PHACTR3: variants seen among roughly 807,000 people sequenced by gnomAD.
PHACTR3 encodes protein phosphatase 1, regulatory subunit 123.
PHACTR3 carries 16 observed loss-of-function variants against 66.8 expected under a neutral mutation model. That is an observed-to-expected ratio of 0.24 (90% CI 0.16 to 0.36). PHACTR3 has a LOEUF of 0.36. Among genes scored for constraint, PHACTR3 ranks in the 10% least tolerant of loss-of-function variants. The probability of loss-of-function intolerance (pLI) is 1.00; values close to 1 mark genes in which losing one functional copy is unlikely to be tolerated. For missense variants in PHACTR3, 647 were observed against 719.9 expected, an observed-to-expected ratio of 0.90 and a Z score of 1.16; for synonymous variants, 323 against 292.1, an observed-to-expected ratio of 1.11 and a Z score of -1.08.
intron 8 of PHACTR3, among the ~76,000 whole-genome samples, chr20:59,832,723 C>T (rs2042419626): frequency 6.6e-6 from 1 of 152,210 alleles, no homozygotes; most frequent in African/African-American, 2.4e-5. Context: ...GGTCCTGCCC[C>T]TGCTCAGCCT....
upstream of PHACTR3, among the ~76,000 whole-genome samples, chr20:59,604,296 G>C (rs917200567): frequency 1.3e-5 from 2 of 152,098 alleles, no homozygotes. Context: ...CCTTTCCTCC[G>C]GGAGGGGAGG....
intron 1 of PHACTR3, among the ~76,000 whole-genome samples, chr20:59,718,698 G>A (rs2038184081): frequency 6.6e-6 from 1 of 152,228 alleles, no homozygotes; most frequent in South Asian, 2.1e-4. Flanking sequence ...GTCGATGACA[G>A]CTGAATATTG....
chr20:59,746,652 C>T (rs4810186), intron 2 of PHACTR3, among the ~76,000 whole-genome samples: 13,521 of 152,254 alleles, frequency 0.089, 1,165 homozygotes, highest in East Asian at 0.34. Context: ...TTGTCATCTG[C>T]CTCCCCAACT....
chr20:59,827,187 A>G (rs1162887329), intron 8 of PHACTR3, among the ~76,000 whole-genome samples: 3 of 151,862 alleles, frequency 2.0e-5, no homozygotes, highest in Non-Finnish European at 4.4e-5. Flanking sequence ...CAGCCCGGGA[A>G]CCATCCGGAG....
intron 1 of PHACTR3, among the ~76,000 whole-genome samples, chr20:59,740,916 G>A (rs529212846): frequency 8.5e-5 from 13 of 152,358 alleles, no homozygotes; most frequent in Admixed American, 3.3e-4. Flanking sequence ...AGAGCAGGCC[G>A]TCCTGGGCCT....
chr20:59,823,348 G>C (rs73917307), intron 8 of PHACTR3, among the ~76,000 whole-genome samples: 3 of 152,114 alleles, frequency 2.0e-5, no homozygotes, highest in Admixed American at 6.5e-5. Flanking sequence ...CTCGGGGTGA[G>C]CTGGAACCTG....
intron 1 of PHACTR3, among the ~76,000 whole-genome samples, chr20:59,674,567 CG>C (rs2036334814): frequency 1.7e-5 from 1 of 58,352 alleles, no homozygotes; most frequent in African/African-American, 1.2e-4. Context: ...TCCTATTCCC[CG>C]CTTCTCCTGT....
intron 1 of PHACTR3, among the ~76,000 whole-genome samples, chr20:59,617,297 CAA>C (rs2034062412): frequency 6.6e-6 from 1 of 152,020 alleles, no homozygotes; most frequent in Admixed American, 6.6e-5. Flanking sequence ...CAACAATAAA[CAA>C]AGAGTTCCAT....
chr20:59,811,273 T>A (rs1163007679), intron 8 of PHACTR3, among the ~76,000 whole-genome samples: 1 of 152,200 alleles, frequency 6.6e-6, no homozygotes, highest in Non-Finnish European at 1.5e-5. Flanking sequence ...TGAATTTTCT[T>A]ATATTGGTTT....
At chr20:59,672,912 A>G (rs1460281892) in intron 1 of PHACTR3, among the ~76,000 whole-genome samples, 2 of 152,080 alleles carry the variant, frequency 1.3e-5, no homozygotes, top group Non-Finnish European at 2.9e-5. Context: ...AAGAGAGGTG[A>G]GTGGGGCTTA....
intron 8 of PHACTR3, among the ~76,000 whole-genome samples, chr20:59,827,016 T>C (rs1429902272): frequency 6.6e-6 from 1 of 151,728 alleles, no homozygotes; most frequent in Non-Finnish European, 1.5e-5. Flanking sequence ...CCTCCTTCCC[T>C]CCCATAGTTC....
chr20:59,766,204 A>T (rs918427317), intron 4 of PHACTR3, among the ~76,000 whole-genome samples: 1 of 152,194 alleles, frequency 6.6e-6, no homozygotes, highest in Non-Finnish European at 1.5e-5. Flanking sequence ...AGGGACAGAA[A>T]GGGCTTGAGC....
intron 1 of PHACTR3, among the ~76,000 whole-genome samples, chr20:59,612,026 G>A (rs568480606): frequency 1.3e-5 from 2 of 152,294 alleles, no homozygotes; most frequent in Admixed American, 6.5e-5. Flanking sequence ...AAAGCGTGCC[G>A]GAGGGGACGG....
chr20:59,678,074 T>A (rs2036513094), intron 1 of PHACTR3, among the ~76,000 whole-genome samples: 1 of 152,184 alleles, frequency 6.6e-6, no homozygotes, highest in Admixed American at 6.5e-5. Context: ...TCCCCATACA[T>A]TTTCTTCTGT....
Position 59,773,357 on chromosome 20 carries a change from G to A in PHACTR3, c.830G>A (p.Gly277Glu), listed in dbSNP as rs35794949. ...SLRGQLSTPT[G>E]SPHLTTVHRP... ...CGGGGCCAGCTCTCCACACCCACGG[G>A]GTCTCCGCATCTCACCACGGTCCAC... is the stretch of plus-strand genomic sequence containing the variant. The change falls in exon 6 of 13, where the codon GGG becomes GAG. Residue 277 changes from glycine to glutamate, a missense_variant. This residue lies in a region of PHACTR3 where 577 missense variants were observed against 571.1 expected (regional missense o/e 1.01). Transcript: ENST00000371015. 1.4e-5 allele frequency: 22 copies of A among 1,614,144 alleles called. No individual in the cohort carries two copies. In the African/African-American group the frequency reaches 2.5e-4, roughly 19 times the overall value.
chr20:59,670,612 G>GGGGC (rs2036162870), intron 1 of PHACTR3, among the ~76,000 whole-genome samples: 2 of 135,556 alleles, frequency 1.5e-5, no homozygotes, highest in East Asian at 2.5e-4. Flanking sequence ...GGGTGGGGGG[G>GGGGC]GGGGGCAGGC....
chr20:59,693,463 A>G (rs1167773657), intron 1 of PHACTR3, among the ~76,000 whole-genome samples: 2 of 152,238 alleles, frequency 1.3e-5, no homozygotes, highest in East Asian at 1.9e-4. Context: ...ATGTGCTCTC[A>G]CTGAGCTCTG....
chr20:59,635,192 T>C (rs868355349), intron 1 of PHACTR3, among the ~76,000 whole-genome samples: 1 of 14,322 alleles, frequency 7.0e-5, no homozygotes, highest in African/African-American at 2.2e-4. Flanking sequence ...CTTTCTTTCT[T>C]TCTCTTTCTT....
At chr20:59,778,800 C>T (rs931933866) in intron 7 of PHACTR3, among the ~76,000 whole-genome samples, 1 of 152,336 alleles carries the variant, frequency 6.6e-6, no homozygotes, top group East Asian at 1.9e-4. Flanking sequence ...TGGACTGTTT[C>T]TCCCATGGCG....
Sources: gnomAD v4.1 joint callset for allele counts (sites outside exome capture counted in the v4.1 genomes callset) on GRCh38, gnomAD v4.1.1 for gene constraint, gnomAD v4.1.1 regional missense constraint, MANE v1.5 for transcripts, NCBI Gene and HGNC (gene_info 2026-07-23, HGNC 2026-07-21) for gene names.